The following ZNF451 variants were observed in gnomAD, a reference collection of about 807,000 sequenced individuals.
ZNF451 encodes zinc finger protein 451.
Under a neutral mutation model 107.1 loss-of-function variants are expected in ZNF451, and 80 were observed. The ratio of observed to expected loss-of-function variants is 0.75; its 90% CI spans 0.62 to 0.90. The LOEUF is 0.90. Among genes scored for constraint, ZNF451 ranks in the 40% least tolerant of loss-of-function variants. The pLI is 0.00. For missense variants in ZNF451, 1,107 were observed against 1,236.2 expected (o/e 0.90, Z 1.57); for synonymous variants, 362 against 406.5 (o/e 0.89, Z 1.32).
rs1411034847 is a variant in ZNF451, at chr6:57,168,997, T to C, written c.*528T>C. On this transcript the variant is annotated 3_prime_UTR_variant, in exon 15 of 15. Coordinates refer to ENST00000370706, the MANE Select transcript of ZNF451 (RefSeq NM_001031623.3). ...GTAATGGAAACTGATCATGGAAACA[T>C]TTAAAATTTTATCAGCAATGTTCTT... 1 of 152,282 alleles carries C rather than the reference T, an allele frequency of 6.6e-6. No individual in the cohort carries two copies. The allele number at this position is 152,282 out of a possible 1,614,324, so 9.4% of individuals were successfully genotyped here.
intron 3 of ZNF451, among the ~76,000 whole-genome samples, chr6:57,110,466 T>A (rs574644019): frequency 3.9e-5 from 6 of 152,128 alleles, no homozygotes; most frequent in Non-Finnish European, 7.4e-5. Flanking sequence ...CCTCTGGCTC[T>A]GGGGCAGCTC....
chr6:57,132,732 G>T (rs1831241204), intron 5 of ZNF451, among the ~76,000 whole-genome samples: 4 of 151,984 alleles, frequency 2.6e-5, no homozygotes, highest in Non-Finnish European at 5.9e-5. Flanking sequence ...TTGGAGCTGG[G>T]CATGGTGGCG....
chr6:57,115,050 A>G (rs1830299877), intron 3 of ZNF451: 1 of 152,248 alleles, frequency 6.6e-6, no homozygotes, highest in African/African-American at 2.4e-5. Flanking sequence ...GCTTGAGGCC[A>G]GGAGTTCAAG....
intron 4 of ZNF451, chr6:57,126,668 C>T (rs1294255358): frequency 6.6e-6 from 1 of 152,058 alleles, no homozygotes. Context: ...TGCCTGTAAT[C>T]CCAGCACTTT....
At chr6:57,111,665 G>A (rs1312793783) in intron 3 of ZNF451, among the ~76,000 whole-genome samples, 1 of 152,164 alleles carries the variant, frequency 6.6e-6, no homozygotes, top group Non-Finnish European at 1.5e-5. Flanking sequence ...GTGGTTGTGA[G>A]CCACCACGCC....
intron 3 of ZNF451, chr6:57,103,501 T>A: frequency 1.0e-6 from 1 of 985,388 alleles, no homozygotes; most frequent in Non-Finnish European, 1.2e-6. Flanking sequence ...CCACAGTATC[T>A]TCTCTTTAGA....
rs1448003563 is a variant in ZNF451 at position 57,147,888 on chromosome 6, T to C, written c.1803T>C (p.Ser601=). ...TVIDHSPANS[S]PRGKWQCRIC... ...TTGATCATTCCCCGGCAAATAGTTC[T>C]CCGAGGGGTAAATGGCAATGCCGGA... The change falls in exon 10 of 15, where the codon TCT becomes TCC. Residue 601 remains serine, a synonymous_variant. Transcript: ENST00000370706. 1 of 1,614,042 alleles carries C rather than the reference T, an allele frequency of 6.2e-7. No homozygotes were observed. Among genetic ancestry groups the C allele is most frequent in the African/African-American group, 1.3e-5 (1 of 74,930 alleles).
intron 3 of ZNF451, among the ~76,000 whole-genome samples, chr6:57,113,393 A>C (rs1830202015): frequency 6.7e-6 from 1 of 149,302 alleles, no homozygotes; most frequent in Non-Finnish European, 1.5e-5. Flanking sequence ...GCTTTTTAAT[A>C]TTGTTTTCTA....
chr6:57,119,417 C>T (rs1341332971), intron 3 of ZNF451, among the ~76,000 whole-genome samples: 8 of 151,944 alleles, frequency 5.3e-5, no homozygotes, highest in African/African-American at 1.7e-4. Flanking sequence ...CTCAGCTACT[C>T]GGGGGCTGAG....
At chr6:57,139,593 GTTAAA>G (rs1422328854) in intron 7 of ZNF451, among the ~76,000 whole-genome samples, 2 of 152,120 alleles carry the variant, frequency 1.3e-5, no homozygotes, top group Non-Finnish European at 2.9e-5. Context: ...TTAACAAGAA[GTTAAA>G]TTATATTTAT....
rs972426053 is a variant in ZNF451 at position 57,133,175 on chromosome 6, C to G, written c.558C>G (p.Leu186=). Reference sequence around the variant, plus strand: ...AGGAGTTTGACAATGGGCACCTTCTCTTAGGACATTTGAAAAGGTAAGTAG... The same window carrying G: ...AGGAGTTTGACAATGGGCACCTTCTGTTAGGACATTTGAAAAGGTAAGTAG... ...CNKEFDNGHL[L]LGHLKRFDHS... The change falls in exon 6 of 15, where the codon CTC becomes CTG. Residue 186 remains leucine (L), a synonymous_variant. Transcript: ENST00000370706. The G allele has an allele frequency of 6.2e-7, 1 of 1,613,906 alleles. No homozygotes were observed. Among genetic ancestry groups the G allele is most frequent in the Non-Finnish European group, 8.5e-7 (1 of 1,179,884 alleles).
At chr6:57,102,902 T>C (rs1445303678) in intron 3 of ZNF451, 6 of 985,354 alleles carry the variant, frequency 6.1e-6, no homozygotes, top group Non-Finnish European at 7.2e-6. Context: ...TTTGTTGTTA[T>C]CAATCCTAAT....
At chr6:57,162,922 C>T (rs765867476) in intron 14 of ZNF451, among the ~76,000 whole-genome samples, 41 of 152,122 alleles carry the variant, frequency 2.7e-4, no homozygotes, top group Non-Finnish European at 5.4e-4. Context: ...AGAGAAGACA[C>T]TTTAAACCTA....
At chr6:57,134,607 T>C (rs918733200) in intron 6 of ZNF451, 137 bp from the exon 7 acceptor site, 16 of 658,890 alleles carry the variant, frequency 2.4e-5, no homozygotes, top group Non-Finnish European at 3.7e-5. Context: ...ATGAAGAACA[T>C]TACTTAATAT....
At chr6:57,158,215 C>A (rs948551673) in intron 13 of ZNF451, among the ~76,000 whole-genome samples, 1 of 152,172 alleles carries the variant, frequency 6.6e-6, no homozygotes, top group Non-Finnish European at 1.5e-5. Context: ...GAGCTAGCCA[C>A]CCAGTGTGAA....
chr6:57,168,468 A>G lies in ZNF451; in HGVS notation c.3185A>G (p.Ter1062=). 6 of 1,605,560 alleles carry G rather than the reference A, an allele frequency of 3.7e-6. No individual in the cohort carries two copies. Among genetic ancestry groups the G allele is most frequent in the Middle Eastern group, 1.7e-4 (1 of 6,050 alleles). ...EAIRRSLEEM[*] is the part of the protein sequence containing the mutation. ...ATTAGAAGAAGTCTTGAGGAAATGT[A>G]ATTAAAGATATTACCACACAACATC... Residue 1062 remains the stop codon, a stop_retained_variant, in exon 15 of 15, where the codon TAA becomes TGA. Coordinates refer to ENST00000370706, the MANE Select transcript of ZNF451 (RefSeq NM_001031623.3).
intron 7 of ZNF451, among the ~76,000 whole-genome samples, chr6:57,138,703 C>CCACA (rs1420150159): frequency 1.0e-4 from 5 of 50,014 alleles, no homozygotes; most frequent in Non-Finnish European, 1.4e-4. Flanking sequence ...TGCAGCTATG[C>CCACA]CATATATATA....
chr6:57,153,170 AAG>A (rs1412239843), intron 12 of ZNF451, among the ~76,000 whole-genome samples: 1 of 152,208 alleles, frequency 6.6e-6, no homozygotes, highest in East Asian at 1.9e-4. Context: ...ATCTAATGCC[AAG>A]ATTGAATCAT....
chr6:57,145,752 C>T (rs1177228988), intron 9 of ZNF451, among the ~76,000 whole-genome samples: 2 of 152,078 alleles, frequency 1.3e-5, no homozygotes, highest in African/African-American at 4.8e-5. Context: ...AATAGTGCTG[C>T]GGTAAATGTA....
Sources: allele counts gnomAD v4.1 joint callset (sites outside exome capture counted in the v4.1 genomes callset), GRCh38; gene constraint gnomAD v4.1.1; transcripts MANE v1.5; gene names NCBI Gene and HGNC (gene_info 2026-07-23, HGNC 2026-07-21).